FRMPD1: variants seen among roughly 807,000 people sequenced by gnomAD.
FRMPD1 encodes the protein FERM and PDZ domain containing 1, also known as FERM and PDZ domain-containing protein 1.
Under a neutral mutation model 117.8 loss-of-function variants are expected in FRMPD1, and 76 were observed. The observed-to-expected ratio is 0.65, with a 90% confidence interval of 0.54 to 0.78. FRMPD1 has a LOEUF of 0.78. Among genes scored for constraint, FRMPD1 ranks in the 30% least tolerant of loss-of-function variants. The pLI is 0.00. For missense variants in FRMPD1, 1,786 were observed against 1,964.5 expected, an observed-to-expected ratio of 0.91 and a Z score of 1.72; for synonymous variants, 783 against 770.4, an observed-to-expected ratio of 1.02 and a Z score of -0.27.
chr9:37,735,822 T>C (rs1824094943), intron 13 of FRMPD1, 88 bp downstream of exon 13: 4 of 804,330 alleles, frequency 5.0e-6, no homozygotes, highest in Non-Finnish European at 5.9e-6. Context: ...TTTTAAATAA[T>C]AATAAAGTCT....
chr9:37,616,238 C>T, the FRMPD1 span, among the ~76,000 whole-genome samples: 2 of 151,292 alleles, frequency 1.3e-5, no homozygotes, highest in African/African-American at 4.9e-5. Context: ...CTGGTTCACC[C>T]TCTCACGTAG....
chr9:37,645,445 G>A, the FRMPD1 span, among the ~76,000 whole-genome samples: 2 of 152,084 alleles, frequency 1.3e-5, no homozygotes, highest in African/African-American at 2.4e-5. Flanking sequence ...AGCAGACAAG[G>A]CTTAGATGAG....
chr9:37,643,939 G>A, the FRMPD1 span, among the ~76,000 whole-genome samples: 1 of 152,208 alleles, frequency 6.6e-6, no homozygotes, highest in Non-Finnish European at 1.5e-5. Context: ...CCATTGTGTA[G>A]TTTGCTTATT....
At chr9:37,698,710 C>G (rs1053466942) in intron 2 of FRMPD1, among the ~76,000 whole-genome samples, 1 of 150,644 alleles carries the variant, frequency 6.6e-6, no homozygotes. Flanking sequence ...TACAGATATG[C>G]GCCACCACAC....
At chr9:37,613,643 G>T in the FRMPD1 span, among the ~76,000 whole-genome samples, 151 of 152,264 alleles carry the variant, frequency 9.9e-4, 2 homozygotes, top group Admixed American at 2.5e-3. Flanking sequence ...ACATCAGGCT[G>T]CCACAGCTCA....
chr9:37,698,113 TA>T (rs898493067), intron 2 of FRMPD1, among the ~76,000 whole-genome samples: 2 of 152,050 alleles, frequency 1.3e-5, no homozygotes, highest in Non-Finnish European at 2.9e-5. Context: ...GACTCTGTCT[TA>T]AAAAAAATAA....
the FRMPD1 span, among the ~76,000 whole-genome samples, chr9:37,609,666 A>G: frequency 6.6e-6 from 1 of 152,154 alleles, no homozygotes; most frequent in African/African-American, 2.4e-5. Context: ...CATGGTAGCT[A>G]AAGTGCTCTT....
At chr9:37,615,735 A>C in the FRMPD1 span, among the ~76,000 whole-genome samples, 5 of 152,120 alleles carry the variant, frequency 3.3e-5, no homozygotes, top group Non-Finnish European at 7.4e-5. Flanking sequence ...GATTTCCCAA[A>C]CTAGATGAAA....
rs370804192 is a variant in FRMPD1 at position 37,689,902 on chromosome 9, G to A, written c.-4-2736G>A. Among the ~76,000 whole-genome samples the A allele has an allele frequency of 1.3e-3, 194 of 152,044 alleles. 2 individuals are homozygous for A. The highest frequency in any genetic ancestry group is 4.4e-3 in the African/African-American group (181 of 41,476). On this transcript the variant is annotated intron_variant, in intron 1 of 15. Transcript: ENST00000377765. ...CATTTTTAATTTCATTTGTTTGTAT[G>A]TAATCTTTTTTTTTCCTCTCTGGAA...
chr9:37,611,105 C>G, the FRMPD1 span, among the ~76,000 whole-genome samples: 2 of 152,184 alleles, frequency 1.3e-5, no homozygotes, highest in South Asian at 2.1e-4. Flanking sequence ...AGAGGAGATA[C>G]TGGGCCAAAG....
chr9:37,711,485 C>T (rs1822910005), intron 5 of FRMPD1, 90 bp downstream of exon 5: 5 of 1,010,740 alleles, frequency 4.9e-6, no homozygotes, highest in South Asian at 2.6e-5. Context: ...ATAAAGTAAG[C>T]GGGGAAGGCA....
In FRMPD1 at chr9:37,746,122, G is replaced by GC. The variant is rs1375871168; in HGVS notation, c.4096dup (p.Leu1366ProfsTer55). On this transcript the variant is annotated frameshift_variant, in exon 16 of 16. Transcript: ENST00000377765. LOFTEE classifies it high-confidence loss of function. Reference sequence around the variant, plus strand: ...CAGGGACTTGGAAGCACACCCCATGGCCCCCCTCACCTCACCGCCCTCTGC... The same window carrying GC: ...CAGGGACTTGGAAGCACACCCCATGGCCCCCCCTCACCTCACCGCCCTCTGC... The GC allele has an allele frequency of 1.2e-6, 2 of 1,613,942 alleles. No individual in the cohort carries two copies. Among genetic ancestry groups the GC allele is most frequent in the Admixed American group, 1.7e-5 (1 of 60,002 alleles).
the FRMPD1 span, among the ~76,000 whole-genome samples, chr9:37,622,819 G>C: frequency 6.6e-6 from 1 of 152,054 alleles, no homozygotes; most frequent in South Asian, 2.1e-4. Flanking sequence ...GATAGGAAAT[G>C]AGAAAAAAGT....
chr9:37,680,858 G>A (rs1046136465), intron 1 of FRMPD1, among the ~76,000 whole-genome samples: 2 of 152,082 alleles, frequency 1.3e-5, no homozygotes, highest in Non-Finnish European at 2.9e-5. Flanking sequence ...AGGAGGGAAG[G>A]GAAGATGGAG....
the FRMPD1 span, among the ~76,000 whole-genome samples, chr9:37,621,685 C>T: frequency 6.6e-6 from 1 of 152,180 alleles, no homozygotes; most frequent in Non-Finnish European, 1.5e-5. Flanking sequence ...TTGGCCAACA[C>T]TCCCAGAATT....
chr9:37,744,707 G>A lies in FRMPD1; in HGVS notation c.2675G>A (p.Gly892Asp). 6.2e-7 allele frequency: 1 copy of A among 1,614,014 alleles called. No individual in the cohort carries two copies. Among genetic ancestry groups the A allele is most frequent in the Non-Finnish European group, 8.5e-7 (1 of 1,180,006 alleles). ...GTGTCCTCTCTGCAGGACATGCAGG[G>A]TGAGCCTGGCCTTCTGGAGACCAAG... ...PTVSSLQDMQ[G>D]EPGLLETKAL... The change falls in exon 16 of 16, where the codon GGT (glycine) becomes GAT (aspartate). Residue 892 changes from glycine (G) to aspartate (D), a missense_variant. Gly to Asp is a moderately conservative substitution (Grantham distance 94). Transcript: ENST00000377765.
At chr9:37,649,118 C>T (rs1236455780), upstream of FRMPD1, among the ~76,000 whole-genome samples, 1 of 152,180 alleles carries the variant, frequency 6.6e-6, no homozygotes, top group Non-Finnish European at 1.5e-5. Flanking sequence ...CCATGGGGAA[C>T]ATTTGTACTC....
chr9:37,637,963 GCTTTCTTTCTTTCTTTCTTTCTTT>G, the FRMPD1 span, among the ~76,000 whole-genome samples: 22 of 100,130 alleles, frequency 2.2e-4, 3 homozygotes, highest in East Asian at 9.9e-4. Context: ...AATGGTGTAT[GCTTTCTTTCTTTCTTTCTTTCTTT>G]CTTTCTTTCT....
the FRMPD1 span, among the ~76,000 whole-genome samples, chr9:37,620,104 C>T: frequency 5.3e-5 from 8 of 152,104 alleles, no homozygotes; most frequent in Non-Finnish European, 1.0e-4. Flanking sequence ...AAAGACCAGT[C>T]CAATGCCCAC....
Sources: gnomAD v4.1 joint callset for allele counts (sites outside exome capture counted in the v4.1 genomes callset) on GRCh38, gnomAD v4.1.1 for gene constraint, MANE v1.5 for transcripts, NCBI Gene and HGNC (gene_info 2026-07-23, HGNC 2026-07-21) for gene names.